Variants in DVL1 observed in about 807,000 individuals in gnomAD.
DVL1 encodes dishevelled segment polarity protein 1, also known as segment polarity protein dishevelled homolog DVL-1.
A neutral mutation model predicts 65.0 loss-of-function variants in DVL1; 49 were observed. That is an observed-to-expected ratio of 0.75 (90% CI 0.60 to 0.96). The LOEUF (loss-of-function observed/expected upper bound fraction) is 0.96, where lower values mean the gene tolerates loss of function less well. DVL1 is among the 40% of genes least tolerant of loss of function. The pLI is 0.00. For synonymous variants in DVL1, 608 were observed against 433.9 expected (o/e 1.40, Z -4.99); for missense variants, 1,197 against 1,045.4 (o/e 1.15, Z -2.00).
In DVL1 at chr1:1,341,819, A is replaced by C; in HGVS notation, c.467-14T>G. ...TGGTCCGGGCGGCTGTGGGGGCAGC[A>C]GGTTGGGAACTGACTGCAGGGTCTC... On this transcript the variant is annotated splice_polypyrimidine_tract_variant and intron_variant, in intron 4 of 14. Coordinates refer to ENST00000378888, the MANE Select transcript of DVL1 (RefSeq NM_001330311.2). 1 of 1,567,282 alleles carries C rather than the reference A, an allele frequency of 6.4e-7. No homozygotes were observed. Among genetic ancestry groups the C allele is most frequent in the Non-Finnish European group, 8.7e-7 (1 of 1,150,966 alleles).
intron 4 of DVL1, 24 bp from the exon 5 acceptor site, chr1:1,341,829 C>A (rs1213837429): frequency 3.2e-6 from 5 of 1,557,662 alleles, no homozygotes; most frequent in Admixed American, 1.8e-5. Context: ...AGGTTGGGAA[C>A]TGACTGCAGG....
In DVL1 at chr1:1,338,294, G is replaced by C; in HGVS notation, c.1482C>G (p.Tyr494Ter). The C allele has an allele frequency of 6.2e-7, 1 of 1,607,834 alleles. No homozygotes were observed. The highest frequency in any genetic ancestry group is 8.5e-7 in the Non-Finnish European group (1 of 1,177,662). Residue 494 changes from tyrosine (Y) to a stop codon, truncating the protein, a stop_gained, in exon 13 of 15, where the codon TAC becomes TAG. Transcript: ENST00000378888. LOFTEE classifies it high-confidence loss of function. ...VNKITFSEQC[Y>*]YVFGDLCSNL... is the part of the protein sequence containing the mutation. ...TGCTGCAGAGATCCCCGAAGACGTA[G>C]TAGCACTGCTCGGAGAAGGTGATCT...
rs149343423 is a variant in DVL1, at chr1:1,338,306, G to A, written c.1470C>T (p.Ser490=). 32 of 1,608,252 alleles carry A rather than the reference G, an allele frequency of 2.0e-5. No homozygotes were observed. In the Admixed American group the frequency reaches 2.4e-4, roughly 12 times the overall value. The change falls in exon 13 of 15, where the codon TCC becomes TCT. Residue 490 remains serine, a synonymous_variant. Transcript: ENST00000378888. The stretch of plus-strand genomic sequence containing the variant: ...CCCCGAAGACGTAGTAGCACTGCTC[G>A]GAGAAGGTGATCTTGTTGACCGTGT... The part of the protein sequence containing the change: ...LRHTVNKITF[S]EQCYYVFGDL...
Position 1,342,049 on chromosome 1 carries a change from G to A in DVL1, c.466+4C>T, listed in dbSNP as rs1437168344. On this transcript the variant is annotated splice_donor_region_variant and intron_variant, in intron 4 of 14. Coordinates refer to ENST00000378888, the MANE Select transcript of DVL1 (RefSeq NM_001330311.2). ...CCACAGCTGGGCAGACATGACCACT[G>A]TACCCTCCTCGCGGTTCCGGCGTCG... The A allele has an allele frequency of 4.5e-6, 7 of 1,569,572 alleles. No homozygotes were observed. The highest frequency in any genetic ancestry group is 2.3e-5 in the East Asian group (1 of 42,710).
At chr1:1,338,897 G>A (rs1165443560) in intron 11 of DVL1, among the ~76,000 whole-genome samples, 1 of 152,196 alleles carries the variant, frequency 6.6e-6, no homozygotes, top group Non-Finnish European at 1.5e-5. Context: ...GGCACAAACT[G>A]GGCTGACACC....
At position 1,341,733 on chromosome 1, in the gene DVL1, G is replaced by A; in HGVS notation, c.539C>T (p.Thr180Ile). 6.2e-7 allele frequency: 1 copy of A among 1,610,958 alleles called. No homozygotes were observed. The highest frequency in any genetic ancestry group is 1.1e-5 in the South Asian group (1 of 90,746). The change falls in exon 5 of 15, where the codon ACC becomes ATC. Residue 180 changes from threonine to isoleucine, a missense_variant. Thr to Ile is a moderately conservative substitution (Grantham distance 89). Transcript: ENST00000378888. ...GGACTCAAGCTCGCTGCTGAGGGCG[G>A]TGGACGCGCTGTCTGGGGGCAGCCC... ...DVGLPPDSAS[T>I]ALSSELESSS...
At chr1:1,347,181 C>T (rs1643927788) in intron 1 of DVL1, among the ~76,000 whole-genome samples, 1 of 152,084 alleles carries the variant, frequency 6.6e-6, no homozygotes, top group Non-Finnish European at 1.5e-5. Context: ...TTCTTTCCAA[C>T]CCCCACAGCC....
rs1170646081 is a variant in DVL1, at chr1:1,336,182, G to A, written c.2048C>T (p.Ala683Val). Reference protein sequence around the residue: ...LTGSRQSFQKAMGNPCEFFVD... With the variant: ...LTGSRQSFQKVMGNPCEFFVD... ...GAAGAACTCGCAGGGGTTCCCCATA[G>A]CCTTCTGGAAGGACTGGCGGCTGCC... The change falls in exon 15 of 15, where the codon GCT (alanine) becomes GTT (valine). Residue 683 changes from alanine (A) to valine (V), a missense_variant. Physicochemically the swap from Ala to Val is moderately conservative, Grantham distance 64 (BLOSUM62 0). Coordinates refer to ENST00000378888, the MANE Select transcript of DVL1 (RefSeq NM_001330311.2). The A allele has an allele frequency of 6.4e-7, 1 of 1,573,166 alleles. No individual in the cohort carries two copies. Among genetic ancestry groups the A allele is most frequent in the Admixed American group, 1.8e-5 (1 of 56,374 alleles).
chr1:1,347,164 C>T (rs1643927539), intron 1 of DVL1, among the ~76,000 whole-genome samples: 1 of 152,146 alleles, frequency 6.6e-6, no homozygotes, highest in African/African-American at 2.4e-5. Context: ...AGCATCACCC[C>T]AGTCCATTCT....
chr1:1,338,731 C>G (rs558819512), intron 11 of DVL1, 78 bp from the exon 12 acceptor site: 12 of 1,536,576 alleles, frequency 7.8e-6, no homozygotes, highest in South Asian at 1.2e-5. Context: ...CCCAGGGGAG[C>G]CTCTGGGCAG....
chr1:1,339,512 G>A (rs1643710855), intron 10 of DVL1, 70 bp downstream of exon 10: 3 of 1,551,506 alleles, frequency 1.9e-6, no homozygotes, highest in Admixed American at 1.9e-5. Flanking sequence ...AGGGCACAGA[G>A]GAGAGAGGCC....
Position 1,342,746 on chromosome 1 carries a change from C to T in DVL1, c.183G>A (p.Glu61=), listed in dbSNP as rs202200721. ...SMDQDFGVVK[E]EIFDDNAKLP... ...GCTTGGCATTGTCATCAAAGATCTC[C>T]TCCTTCACCACCCTGTGGGCATATG... is the stretch of plus-strand genomic sequence containing the variant. The change falls in exon 2 of 15, where the codon GAG becomes GAA. Residue 61 remains glutamate (E), a synonymous_variant. Coordinates refer to ENST00000378888, the MANE Select transcript of DVL1 (RefSeq NM_001330311.2). 6.8e-6 allele frequency: 11 copies of T among 1,612,884 alleles called. No individual in the cohort carries two copies. The highest frequency in any genetic ancestry group is 1.3e-5 in the African/African-American group (1 of 74,914).
At chr1:1,340,716 C>G (rs892121947) in intron 5 of DVL1, among the ~76,000 whole-genome samples, 1 of 152,154 alleles carries the variant, frequency 6.6e-6, no homozygotes, top group Non-Finnish European at 1.5e-5. Context: ...GGCACAGACA[C>G]ATGTAGCCAG....
At chr1:1,348,254 A>ACCCAGGCTGC (rs1643950113) in intron 1 of DVL1, among the ~76,000 whole-genome samples, 1 of 152,090 alleles carries the variant, frequency 6.6e-6, no homozygotes. Context: ...GGAGACGCTG[A>ACCCAGGCTGC]CCCAGGCTGC....
chr1:1,336,546 C>G, intron 14 of DVL1, 31 bp from the exon 15 acceptor site: 63 of 1,484,976 alleles, frequency 4.2e-5, no homozygotes, highest in Non-Finnish European at 5.6e-5. Flanking sequence ...GGGAAGGAGC[C>G]TGTCAGCACC....
In DVL1 at chr1:1,339,437, C is replaced by A; in HGVS notation, c.1057G>T (p.Asp353Tyr). The A allele has an allele frequency of 6.5e-7, 1 of 1,547,534 alleles. No individual in the cohort carries two copies. Among genetic ancestry groups the A allele is most frequent in the East Asian group, 2.4e-5 (1 of 40,836 alleles). The change falls in exon 11 of 15, where the codon GAC (aspartate) becomes TAC (tyrosine). Residue 353 changes from aspartate (D) to tyrosine (Y), a missense_variant and splice_region_variant. Physicochemically the swap from Asp to Tyr is radical, Grantham distance 160. Coordinates refer to ENST00000378888, the MANE Select transcript of DVL1 (RefSeq NM_001330311.2). The stretch of plus-strand genomic sequence containing the variant: ...GCGGGGTCGATGGGCCGCACCGGGT[C>A]AGCTGGGTGGCCGCCACGTGGCGAT... ...PRSYFTVPRA[D>Y]PVRPIDPAAW...
intron 5 of DVL1, 106 bp downstream of exon 5, chr1:1,341,561 C>G: frequency 7.2e-7 from 1 of 1,388,686 alleles, no homozygotes; most frequent in Admixed American, 2.3e-5. Flanking sequence ...CACACACACG[C>G]ACACACGTGC....
At chr1:1,337,169 T>A in intron 14 of DVL1, 2 of 890,132 alleles carry the variant, frequency 2.2e-6, no homozygotes, top group Non-Finnish European at 1.3e-6. Context: ...GGGGCTGAAG[T>A]GGGCGCAAGC....
At chr1:1,338,229 T>TGGGG in intron 13 of DVL1, 40 bp downstream of exon 13, 4 of 1,522,338 alleles carry the variant, frequency 2.6e-6, no homozygotes, top group Non-Finnish European at 3.6e-6. Context: ...CCTCCGGCGT[T>TGGGG]CCCCTCCCCC....
Sources: allele counts gnomAD v4.1 joint callset (sites outside exome capture counted in the v4.1 genomes callset), GRCh38; gene constraint gnomAD v4.1.1; transcripts MANE v1.5; gene names NCBI Gene and HGNC (gene_info 2026-07-23, HGNC 2026-07-21).